Variants in NEIL3 observed in about 807,000 individuals in gnomAD.
NEIL3 encodes the protein nei like DNA glycosylase 3, also known as endonuclease 8-like 3.
Under a neutral mutation model 57.5 loss-of-function variants are expected in NEIL3, and 48 were observed. That is an observed-to-expected ratio of 0.83 (90% CI 0.66 to 1.06). The LOEUF (loss-of-function observed/expected upper bound fraction) is 1.06. NEIL3 is among the 50% of genes least tolerant of loss of function. The pLI, the probability that NEIL3 is intolerant of heterozygous loss-of-function variation, is 0.00. For synonymous variants in NEIL3, 261 were observed against 253.2 expected, an observed-to-expected ratio of 1.03 and a Z score of -0.29; for missense variants, 717 against 739.1, an observed-to-expected ratio of 0.97 and a Z score of 0.35.
chr4:177,310,327 C>T (rs956542550), intron 1 of NEIL3, among the ~76,000 whole-genome samples: 2 of 152,188 alleles, frequency 1.3e-5, no homozygotes, highest in Non-Finnish European at 2.9e-5. Flanking sequence ...CTCACGCTGC[C>T]GGAGCAAGAT....
chr4:177,329,662 AG>A (rs763445976), intron 2 of NEIL3, among the ~76,000 whole-genome samples: 2 of 152,204 alleles, frequency 1.3e-5, no homozygotes, highest in Admixed American at 6.5e-5. Flanking sequence ...TGATAGAACA[AG>A]TGGGCAAAAA....
At chr4:177,357,116 G>A (rs992076272) in intron 8 of NEIL3, 2 of 152,138 alleles carry the variant, frequency 1.3e-5, no homozygotes, top group Admixed American at 1.3e-4. Flanking sequence ...GAACCACCTG[G>A]GGCCGTCCAG....
chr4:177,328,416 C>A (rs569317773), intron 2 of NEIL3, among the ~76,000 whole-genome samples: 12 of 152,130 alleles, frequency 7.9e-5, no homozygotes, highest in Admixed American at 6.5e-4. Flanking sequence ...GTGCTAAAAA[C>A]CAAAGATGAA....
At chr4:177,349,041 T>TTA (rs1175241040) in intron 6 of NEIL3, among the ~76,000 whole-genome samples, 1 of 143,626 alleles carries the variant, frequency 7.0e-6, no homozygotes, top group Non-Finnish European at 1.5e-5. Context: ...CTAATTTTTT[T>TTA]TTTTTTTTTT....
At chr4:177,315,211 A>G (rs1196951286) in intron 1 of NEIL3, among the ~76,000 whole-genome samples, 1 of 152,148 alleles carries the variant, frequency 6.6e-6, no homozygotes, top group Non-Finnish European at 1.5e-5. Flanking sequence ...ACATTTATCT[A>G]TGGAAAAGTC....
intron 2 of NEIL3, among the ~76,000 whole-genome samples, chr4:177,331,330 C>T (rs1241934476): frequency 6.6e-6 from 1 of 151,758 alleles, no homozygotes; most frequent in Non-Finnish European, 1.5e-5. Context: ...TGCTGGTCTG[C>T]TCATTGAAGA....
At chr4:177,345,057 C>G (rs966128411) in intron 6 of NEIL3, among the ~76,000 whole-genome samples, 1 of 152,120 alleles carries the variant, frequency 6.6e-6, no homozygotes, top group Non-Finnish European at 1.5e-5. Flanking sequence ...AACACAGCCT[C>G]TCAAAGTGCT....
intron 4 of NEIL3, among the ~76,000 whole-genome samples, chr4:177,338,781 G>A (rs1309689656): frequency 6.6e-6 from 1 of 152,070 alleles, no homozygotes; most frequent in Non-Finnish European, 1.5e-5. Context: ...TCTAAAGCTC[G>A]ATAGTGACCT....
intron 8 of NEIL3, among the ~76,000 whole-genome samples, chr4:177,357,963 CAA>C (rs1412461836): frequency 1.3e-5 from 2 of 152,108 alleles, no homozygotes; most frequent in Non-Finnish European, 2.9e-5. Context: ...TTTTATAAAA[CAA>C]AGAGGAACTA....
At chr4:177,311,190 A>G (rs35726095) in intron 1 of NEIL3, among the ~76,000 whole-genome samples, 3,025 of 152,228 alleles carry the variant, frequency 0.02, 39 homozygotes, top group South Asian at 0.031. Flanking sequence ...AATTTTGAAT[A>G]CTCAAGACAC....
chr4:177,342,796 G>T (rs1329187659), intron 6 of NEIL3, among the ~76,000 whole-genome samples: 4 of 152,234 alleles, frequency 2.6e-5, no homozygotes, highest in Non-Finnish European at 5.9e-5. Flanking sequence ...GCATGGTGGA[G>T]GGATGATGAG....
chr4:177,353,013 T>G (rs774317217), intron 7 of NEIL3, among the ~76,000 whole-genome samples: 3 of 152,184 alleles, frequency 2.0e-5, no homozygotes, highest in African/African-American at 2.4e-5. Flanking sequence ...TTAGCAAAAC[T>G]GATAACTGAG....
At chr4:177,328,927 C>T (rs1285505872) in intron 2 of NEIL3, among the ~76,000 whole-genome samples, 1 of 152,060 alleles carries the variant, frequency 6.6e-6, no homozygotes, top group East Asian at 1.9e-4. Flanking sequence ...ATACGTTTTG[C>T]ATATCATTTG....
chr4:177,370,387 C>G, the NEIL3 span, among the ~76,000 whole-genome samples: 1 of 152,260 alleles, frequency 6.6e-6, no homozygotes, highest in East Asian at 1.9e-4. Flanking sequence ...TCTGGAGGAG[C>G]AGATTGTAGG....
intron 6 of NEIL3, among the ~76,000 whole-genome samples, chr4:177,347,889 C>T (rs1465095363): frequency 2.0e-5 from 3 of 152,212 alleles, no homozygotes; most frequent in Non-Finnish European, 4.4e-5. Context: ...TATTAGTTCA[C>T]TGCCTGACAC....
intron 2 of NEIL3, among the ~76,000 whole-genome samples, chr4:177,331,225 T>C (rs1578993256): frequency 6.6e-6 from 1 of 152,148 alleles, no homozygotes; most frequent in Admixed American, 6.6e-5. Context: ...TGCTCTGTTT[T>C]ATCTTTTTCA....
At chr4:177,338,699 G>T (rs2110909788) in intron 4 of NEIL3, among the ~76,000 whole-genome samples, 1 of 152,326 alleles carries the variant, frequency 6.6e-6, no homozygotes, top group South Asian at 2.1e-4. Flanking sequence ...CTTCAGTAAG[G>T]TCTGTGTCTG....
At chr4:177,358,283 C>T (rs112543437) in intron 8 of NEIL3, among the ~76,000 whole-genome samples, 3,686 of 152,038 alleles carry the variant, frequency 0.024, 60 homozygotes, top group South Asian at 0.085. Context: ...TAAGATCACA[C>T]GTGGCTATGT....
intron 7 of NEIL3, among the ~76,000 whole-genome samples, chr4:177,352,920 C>T (rs1735389730): frequency 6.6e-6 from 1 of 152,018 alleles, no homozygotes; most frequent in Admixed American, 6.5e-5. Context: ...TCCTAGTAGT[C>T]TAGAAACAGG....
Sources: gnomAD v4.1 joint callset for allele counts (sites outside exome capture counted in the v4.1 genomes callset) on GRCh38, gnomAD v4.1.1 for gene constraint, MANE v1.5 for transcripts, NCBI Gene and HGNC (gene_info 2026-07-23, HGNC 2026-07-21) for gene names.